SLTM: variants seen among roughly 807,000 people sequenced by gnomAD.
SLTM encodes SAFB like transcription modulator.
In SLTM, 43 loss-of-function variants were observed where a neutral mutation model predicts 134.6. That is an observed-to-expected ratio of 0.32 (90% CI 0.25 to 0.41). The LOEUF (loss-of-function observed/expected upper bound fraction) is 0.41, where lower values mean the gene tolerates loss of function less well. Among genes scored for constraint, SLTM ranks in the 10% least tolerant of loss-of-function variants. The pLI is 1.00. For synonymous variants in SLTM, 424 were observed against 432.3 expected, an observed-to-expected ratio of 0.98 and a Z score of 0.24; for missense variants, 1,055 against 1,288.8, an observed-to-expected ratio of 0.82 and a Z score of 2.78.
chr15:58,911,300 AAGT>A (rs1447093360), intron 5 of SLTM, among the ~76,000 whole-genome samples: 1 of 152,178 alleles, frequency 6.6e-6, no homozygotes, highest in Non-Finnish European at 1.5e-5. Flanking sequence ...ACAATCAACT[AAGT>A]AGTCCACAAA....
At chr15:58,920,142 C>G (rs1595924360) in intron 2 of SLTM, among the ~76,000 whole-genome samples, 1 of 151,986 alleles carries the variant, frequency 6.6e-6, no homozygotes, top group East Asian at 1.9e-4. Flanking sequence ...TAGCAAAACC[C>G]CACCTCTACT....
chr15:58,920,187 C>T (rs1237060091), intron 2 of SLTM, among the ~76,000 whole-genome samples: 1 of 151,902 alleles, frequency 6.6e-6, no homozygotes, highest in African/African-American at 2.4e-5. Flanking sequence ...CATGGTGGTG[C>T]ACGCCTGTAA....
At chr15:58,913,435 A>G in intron 4 of SLTM, 64 bp downstream of exon 4, 1 of 1,346,366 alleles carries the variant, frequency 7.4e-7, no homozygotes, top group Non-Finnish European at 1.0e-6. Flanking sequence ...CTAGAAAAAA[A>G]TACTTTTTAT....
intron 5 of SLTM, 65 bp from the exon 6 acceptor site, chr15:58,901,352 C>A (rs1028509825): frequency 1.5e-5 from 20 of 1,311,648 alleles, no homozygotes; most frequent in Non-Finnish European, 1.7e-5. Flanking sequence ...AGTAATAGTA[C>A]AAAATCAGCC....
chr15:58,912,204 A>G (rs1199503985), intron 5 of SLTM, among the ~76,000 whole-genome samples: 1 of 149,884 alleles, frequency 6.7e-6, no homozygotes, highest in African/African-American at 2.5e-5. Flanking sequence ...CGTTCATGCC[A>G]TTCTCCTGCC....
intron 17 of SLTM, 101 bp downstream of exon 17, chr15:58,888,284 A>G (rs1278550864): frequency 5.1e-6 from 5 of 980,318 alleles, no homozygotes; most frequent in Non-Finnish European, 7.4e-6. Flanking sequence ...TGTTCTGAGC[A>G]TTCAGTTCTG....
intron 5 of SLTM, among the ~76,000 whole-genome samples, chr15:58,904,736 A>G (rs530436957): frequency 6.6e-6 from 1 of 151,080 alleles, no homozygotes; most frequent in East Asian, 2.0e-4. Context: ...TCTGAGACTG[A>G]GTGTCGCTCT....
chr15:58,887,570 C>T, intron 17 of SLTM, 30 bp from the exon 18 acceptor site: 1 of 1,575,786 alleles, frequency 6.3e-7, no homozygotes, highest in African/African-American at 1.4e-5. Flanking sequence ...AATATAGGTC[C>T]AAGAAGTGCT....
chr15:58,906,415 C>G (rs1595887805), intron 5 of SLTM, among the ~76,000 whole-genome samples: 1 of 152,292 alleles, frequency 6.6e-6, no homozygotes, highest in East Asian at 1.9e-4. Context: ...AATCCTTAGT[C>G]AAATGCTAAA....
intron 20 of SLTM, 158 bp downstream of exon 20, chr15:58,883,468 A>G (rs2033907377): frequency 1.1e-6 from 1 of 906,812 alleles, no homozygotes; most frequent in African/African-American, 1.7e-5. Context: ...CTGTTCTGCA[A>G]ACACTCTTTT....
intron 2 of SLTM, among the ~76,000 whole-genome samples, chr15:58,929,919 T>C (rs1239759049): frequency 1.3e-5 from 2 of 152,114 alleles, no homozygotes; most frequent in African/African-American, 4.8e-5. Flanking sequence ...ATATTAAAAA[T>C]AATAAAAATA....
intron 7 of SLTM, 28 bp from the exon 8 acceptor site, chr15:58,898,880 T>C: frequency 1.3e-6 from 2 of 1,588,522 alleles, no homozygotes. Flanking sequence ...CAGAAGAAAA[T>C]TGAAAACAAA....
chr15:58,889,681 C>T (rs1164794306), intron 15 of SLTM, 127 bp from the exon 16 acceptor site: 2 of 1,041,834 alleles, frequency 1.9e-6, no homozygotes, highest in South Asian at 1.6e-5. Context: ...AAAACACAAA[C>T]CTATGACACC....
intron 14 of SLTM, among the ~76,000 whole-genome samples, chr15:58,892,344 T>C (rs1237275252): frequency 6.6e-6 from 1 of 152,248 alleles, no homozygotes; most frequent in Non-Finnish European, 1.5e-5. Context: ...ATGCTTGCTT[T>C]GGGATATAAT....
At position 58,887,064 on chromosome 15, in the gene SLTM, C is replaced by T. The variant is rs1296782277; in HGVS notation, c.2746G>A (p.Ala916Thr). 9 of 1,613,868 alleles carry T rather than the reference C, an allele frequency of 5.6e-6. No homozygotes were observed. The highest frequency in any genetic ancestry group is 3.3e-5 in the South Asian group (3 of 91,072). Residue 916 changes from alanine to threonine, a missense_variant, in exon 19 of 21, where the codon GCT (alanine) becomes ACT (threonine). Ala to Thr is a moderately conservative substitution (Grantham distance 58). This residue lies in a region of SLTM where 776 missense variants were observed against 962.2 expected (regional missense o/e 0.81). Transcript: ENST00000380516. ...REVSGHSVRG[A>T]PPGNRSSASG... is the part of the protein sequence containing the mutation. ...GCGCTGCTACGATTCCCAGGGGGAG[C>T]GCCTCTCACACTGTGCCCTGATACT...
rs766213173 is a variant in SLTM, at chr15:58,933,440, G to C, written c.126C>G (p.Thr42=). 6.3e-7 allele frequency: 1 copy of C among 1,593,556 alleles called. No individual in the cohort carries two copies. The highest frequency in any genetic ancestry group is 1.7e-5 in the Admixed American group (1 of 57,502). ...SELKRRNLDI[T]GVKTVLISRL... ...GGGAGATGAGCACGGTCTTGACTCC[G>C]GTGATGTCTAAGTTCCGCCGCTTCA... The change falls in exon 1 of 21, where the codon ACC becomes ACG. Residue 42 remains threonine (T), a synonymous_variant. Coordinates refer to ENST00000380516, the MANE Select transcript of SLTM (RefSeq NM_024755.4).
rs1451755460 is a variant in SLTM, at chr15:58,933,654, C to G, written c.-89G>C. On this transcript the variant is annotated 5_prime_UTR_variant, in exon 1 of 21. Transcript: ENST00000380516. ...CTTCCACCCAGGCCTCGGCGGCCGC[C>G]GGCGCCGCGCAGCGCTGCGCACAAT... 1.5e-5 allele frequency: 21 copies of G among 1,370,378 alleles called. No individual in the cohort carries two copies. Among genetic ancestry groups the G allele is most frequent in the Non-Finnish European group, 2.0e-5 (21 of 1,066,790 alleles). 84.9% of individuals were successfully genotyped at this position (1,370,378 alleles called of 1,614,324 possible). A position where few individuals can be genotyped will look rare whatever the true frequency, so the allele number is the denominator to read the frequency against.
At chr15:58,910,735 C>T (rs960426286) in intron 5 of SLTM, among the ~76,000 whole-genome samples, 1 of 145,698 alleles carries the variant, frequency 6.9e-6, no homozygotes, top group African/African-American at 2.5e-5. Context: ...TAATTTTTCT[C>T]ATAGATTCTT....
chr15:58,902,084 A>G (rs936239974), intron 5 of SLTM, among the ~76,000 whole-genome samples: 1 of 152,208 alleles, frequency 6.6e-6, no homozygotes, highest in Admixed American at 6.5e-5. Context: ...GAAGAGTCAT[A>G]AAGGGAAGGG....
Sources: allele counts gnomAD v4.1 joint callset (sites outside exome capture counted in the v4.1 genomes callset), GRCh38; gene constraint gnomAD v4.1.1; regional missense constraint gnomAD v4.1.1; transcripts MANE v1.5; gene names NCBI Gene and HGNC (gene_info 2026-07-23, HGNC 2026-07-21).